The following MMP19 variants were observed in gnomAD, a reference collection of about 807,000 sequenced individuals.
The protein encoded by MMP19 is matrix metalloproteinase-19.
MMP19 carries 47 observed loss-of-function variants against 46.6 expected under a neutral mutation model. The observed-to-expected ratio is 1.01, with a 90% CI of 0.80 to 1.29. MMP19 has a LOEUF of 1.29. MMP19 is among the 50% of genes most tolerant of loss of function. The pLI is 0.00. For missense variants in MMP19, 589 were observed against 643.5 expected, an observed-to-expected ratio of 0.92 and a Z score of 0.92; for synonymous variants, 222 against 248.5, an observed-to-expected ratio of 0.89 and a Z score of 1.00.
At chr12:55,841,803 C>T (rs1031365792) in intron 2 of MMP19, among the ~76,000 whole-genome samples, 2 of 152,166 alleles carry the variant, frequency 1.3e-5, no homozygotes, top group African/African-American at 4.8e-5. Context: ...AGTGCTCCCA[C>T]CTGACAGCCT....
In MMP19 at chr12:55,837,245, C is replaced by T. The variant is rs1881292841; in HGVS notation, c.1318G>A (p.Val440Ile). ...TAGACTTTGCCCTTGAAGAAGTAGA[C>T]TCGGCCATCTTGCCAACTCATAGCA... ...SAAMSWQDGR[V>I]YFFKGKVYWR... The change falls in exon 9 of 9, where the codon GTC becomes ATC. Residue 440 changes from valine to isoleucine, a missense_variant. By Grantham distance (29) the Val-to-Ile change is conservative. Transcript: ENST00000322569. 2 of 1,614,078 alleles carry T rather than the reference C, an allele frequency of 1.2e-6. No individual in the cohort carries two copies. The highest frequency in any genetic ancestry group is 2.7e-5 in the African/African-American group (2 of 74,912).
intron 1 of MMP19, 127 bp downstream of exon 1, chr12:55,842,617 G>A (rs1283525462): frequency 7.9e-6 from 7 of 889,162 alleles, no homozygotes; most frequent in Non-Finnish European, 1.3e-5. Context: ...GGGCAGGGTA[G>A]ACCATGGGGC....
chr12:55,837,085 A>C lies in MMP19; in HGVS notation c.1478T>G (p.Ile493Arg). ...GGCTGAGAGAGTGGTATCCAAGGTT[A>C]TGCCCGTACCTGAGGGAGTGGTATT... ...GGNTTPSGTG[I>R]TLDTTLSATE... The change falls in exon 9 of 9, where the codon ATA becomes AGA. Residue 493 changes from isoleucine (I) to arginine (R), a missense_variant. Ile to Arg is a moderately conservative substitution (Grantham distance 97). Transcript: ENST00000322569. The C allele has an allele frequency of 1.2e-6, 2 of 1,604,544 alleles. No homozygotes were observed. The highest frequency in any genetic ancestry group is 1.7e-6 in the Non-Finnish European group (2 of 1,174,472).
Position 55,835,899 on chromosome 12 carries a change from C to T in MMP19, c.*1137G>A, listed in dbSNP as rs1005055535. On this transcript the variant is annotated 3_prime_UTR_variant, in exon 9 of 9. Coordinates refer to ENST00000322569, the MANE Select transcript of MMP19 (RefSeq NM_002429.6). ...GAAGACCACAGGGCAGTGCCTGCCT[C>T]AGGACCTGCCTTCCCCAAAAGCTGG... is the stretch of plus-strand genomic sequence containing the variant. 4 of 152,052 alleles carry T rather than the reference C, an allele frequency of 2.6e-5. No individual in the cohort carries two copies. Among genetic ancestry groups the T allele is most frequent in the African/African-American group, 9.7e-5 (4 of 41,396 alleles). The allele number at this position is 152,052 out of a possible 1,614,324, so 9.4% of individuals were successfully genotyped here.
Position 55,837,020 on chromosome 12 carries a change from G to A in MMP19, c.*16C>T, listed in dbSNP as rs368853878. 2 of 1,544,702 alleles carry A rather than the reference G, an allele frequency of 1.3e-6. No homozygotes were observed. The highest frequency in any genetic ancestry group is 2.7e-5 in the African/African-American group (2 of 73,216). Reference sequence around the variant, plus strand: ...CTCAGGGGTTAATGTCCAAGATTGTGTCTGTGGGTGAGCAGTCAGTATTCA... The same window carrying A: ...CTCAGGGGTTAATGTCCAAGATTGTATCTGTGGGTGAGCAGTCAGTATTCA... On this transcript the variant is annotated 3_prime_UTR_variant, in exon 9 of 9. Transcript: ENST00000322569.
rs1156834048 is a variant in MMP19, at chr12:55,842,781, G to A, written c.50C>T (p.Ser17Leu). The A allele has an allele frequency of 6.2e-7, 1 of 1,607,670 alleles. No individual in the cohort carries two copies. Among genetic ancestry groups the A allele is most frequent in the South Asian group, 1.1e-5 (1 of 89,854 alleles). ...CTCTGCAAGCCCCAGGACCCGGCCT[G>A]AGACTGTCATGGGGAGTAGGAAGCC... Reference protein sequence around the residue: ...WLGFLLPMTVSGRVLGLAEVA... With the variant: ...WLGFLLPMTVLGRVLGLAEVA... The change falls in exon 1 of 9, where the codon TCA (serine) becomes TTA (leucine). Residue 17 changes from serine (S) to leucine (L), a missense_variant. Ser to Leu is a moderately radical substitution (Grantham distance 145). Transcript: ENST00000322569.
At chr12:55,841,464 T>C in intron 2 of MMP19, 1 of 484,864 alleles carries the variant, frequency 2.1e-6, no homozygotes, top group South Asian at 3.1e-5. Flanking sequence ...GTGTCTTTTA[T>C]TTGAGTAAGT....
chr12:55,837,029 T>G lies in MMP19; in HGVS notation c.*7A>C, dbSNP rs1053983416. On this transcript the variant is annotated 3_prime_UTR_variant, in exon 9 of 9. Coordinates refer to ENST00000322569, the MANE Select transcript of MMP19 (RefSeq NM_002429.6). Reference sequence around the variant, plus strand: ...TAATGTCCAAGATTGTGTCTGTGGGTGAGCAGTCAGTATTCAAACGTGGTT... The same window carrying G: ...TAATGTCCAAGATTGTGTCTGTGGGGGAGCAGTCAGTATTCAAACGTGGTT... The G allele has an allele frequency of 6.4e-7, 1 of 1,551,174 alleles. No homozygotes were observed. The highest frequency in any genetic ancestry group is 8.7e-7 in the Non-Finnish European group (1 of 1,145,222).
intron 6 of MMP19, 114 bp downstream of exon 6, chr12:55,838,492 G>T (rs144777717): frequency 1.2e-6 from 2 of 1,605,796 alleles, no homozygotes; most frequent in South Asian, 1.1e-5. Flanking sequence ...TAATGCCTGG[G>T]GTCTAACCTC....
intron 5 of MMP19, 72 bp downstream of exon 5, chr12:55,839,424 C>A: frequency 6.6e-7 from 1 of 1,525,628 alleles, no homozygotes; most frequent in Admixed American, 2.0e-5. Flanking sequence ...TACATGGAGG[C>A]TAGACCTGTC....
chr12:55,837,599 C>T lies in MMP19; in HGVS notation c.1144G>A (p.Ala382Thr). ...KLNRVEPNLD[A>T]ALYWPLNQKV... Reference sequence around the variant, plus strand: ...TGGTTGAGAGGCCAATAGAGAGCTGCATCCAGGTTAGGTTCTACCCTATTC... The same window carrying T: ...TGGTTGAGAGGCCAATAGAGAGCTGTATCCAGGTTAGGTTCTACCCTATTC... The change falls in exon 8 of 9, where the codon GCA becomes ACA. Residue 382 changes from alanine (A) to threonine (T), a missense_variant. Ala to Thr is a moderately conservative substitution (Grantham distance 58). Transcript: ENST00000322569. The T allele has an allele frequency of 6.2e-7, 1 of 1,614,184 alleles. No homozygotes were observed. Among genetic ancestry groups the T allele is most frequent in the Non-Finnish European group, 8.5e-7 (1 of 1,180,040 alleles).
chr12:55,842,641 G>A (rs1881776142), intron 1 of MMP19, 103 bp downstream of exon 1: 4 of 1,007,828 alleles, frequency 4.0e-6, no homozygotes, highest in Non-Finnish European at 6.1e-6. Flanking sequence ...GAGAGCAAGG[G>A]AAAGGCAGGC....
rs1881687333 is a variant in MMP19 at position 55,841,422 on chromosome 12, G to A, written c.174-186C>T. 3 of 594,198 alleles carry A rather than the reference G, an allele frequency of 5.0e-6. No homozygotes were observed. In the African/African-American group the frequency reaches 5.6e-5, roughly 11 times the overall value. 36.8% of individuals were successfully genotyped at this position (594,198 alleles called of 1,614,324 possible). ...ACTTTCTCTTCTGTTCTGCAGAAAT[G>A]GAGATACTCCAGCTTCATCTCCCCA... On this transcript the variant is annotated intron_variant, in intron 2 of 8. Transcript: ENST00000322569.
intron 6 of MMP19, chr12:55,838,346 C>G: frequency 1.4e-6 from 1 of 735,726 alleles, no homozygotes; most frequent in Admixed American, 2.4e-5. Flanking sequence ...ATATAGTTTT[C>G]TCCATCTTGC....
rs1881460426 is a variant in MMP19, at chr12:55,838,832, G to A, written c.767-98C>T. On this transcript the variant is annotated intron_variant, in intron 5 of 8. Transcript: ENST00000322569. Reference sequence around the variant, plus strand: ...TTTGCTCAGAGTCCCCATACAGAGGGGAAAAGGGAATCCTAGAGCGTTTTC... The same window carrying A: ...TTTGCTCAGAGTCCCCATACAGAGGAGAAAAGGGAATCCTAGAGCGTTTTC... 6 of 961,112 alleles carry A rather than the reference G, an allele frequency of 6.2e-6. No homozygotes were observed. In the South Asian group the frequency reaches 8.3e-5, roughly 13 times the overall value. The allele number at this position is 961,112 out of a possible 1,614,324, so 59.5% of individuals were successfully genotyped here.
At chr12:55,841,508 A>C (rs2136236884) in intron 2 of MMP19, 1 of 301,088 alleles carries the variant, frequency 3.3e-6, no homozygotes, top group South Asian at 8.4e-5. Context: ...CCTCTACTGC[A>C]ATCTTCCTTC....
At position 55,837,309 on chromosome 12, in the gene MMP19, G is replaced by C. The variant is rs772856078; in HGVS notation, c.1254C>G (p.Ile418Met). The change falls in exon 9 of 9, where the codon ATC becomes ATG. Residue 418 changes from isoleucine (I) to methionine (M), a missense_variant. Transcript: ENST00000322569. ...RTDFSSYPKP[I>M]KGLFTGVPNQ... Reference sequence around the variant, plus strand: ...TTGGCACTCCCGTAAACAAACCCTTGATTGGTTTGGGGTAGCTGCTGAAGT... The same window carrying C: ...TTGGCACTCCCGTAAACAAACCCTTCATTGGTTTGGGGTAGCTGCTGAAGT... 10 of 1,613,878 alleles carry C rather than the reference G, an allele frequency of 6.2e-6. No individual in the cohort carries two copies. The highest frequency in any genetic ancestry group is 8.5e-6 in the Non-Finnish European group (10 of 1,179,792).
At chr12:55,839,844 C>G (rs1881557921) in intron 4 of MMP19, 103 bp from the exon 5 acceptor site, 1 of 1,402,000 alleles carries the variant, frequency 7.1e-7, no homozygotes, top group Non-Finnish European at 9.6e-7. Flanking sequence ...TTAAAATTCC[C>G]CCAGCTATGT....
rs1881641628 is a variant in MMP19 at position 55,840,851 on chromosome 12, G to A, written c.336C>T (p.Arg112=). ...GAAGGGTGGAGGGCAGGTTCAAGAT[G>A]CGGAAAGTCAGGTGCTTCTTTCTCC... is the stretch of plus-strand genomic sequence containing the variant. ...GRWRKKHLTF[R]ILNLPSTLPP... is the part of the protein sequence containing the mutation. The change falls in exon 4 of 9, where the codon CGC becomes CGT. Residue 112 remains arginine (R), a synonymous_variant. Transcript: ENST00000322569. 2.5e-6 allele frequency: 4 copies of A among 1,593,722 alleles called. No homozygotes were observed. The highest frequency in any genetic ancestry group is 2.6e-6 in the Non-Finnish European group (3 of 1,166,032).
Sources: gnomAD v4.1 joint callset for allele counts (sites outside exome capture counted in the v4.1 genomes callset) on GRCh38, gnomAD v4.1.1 for gene constraint, MANE v1.5 for transcripts, NCBI Gene and HGNC (gene_info 2026-07-23, HGNC 2026-07-21) for gene names.